DAPK1: variants seen among roughly 807,000 people sequenced by gnomAD.
The protein encoded by DAPK1 is death associated protein kinase 1.
Under a neutral mutation model 144.9 loss-of-function variants are expected in DAPK1, and 56 were observed. The ratio of observed to expected loss-of-function variants is 0.39; its 90% CI spans 0.31 to 0.48. The LOEUF (loss-of-function observed/expected upper bound fraction) is 0.48. Ranked by LOEUF, DAPK1 falls within the 20% of genes least tolerant of loss-of-function variation. DAPK1 has a pLI of 0.95. For synonymous variants in DAPK1, 690 were observed against 749.0 expected (o/e 0.92, Z 1.29); for missense variants, 1,454 against 1,875.4 (o/e 0.78, Z 4.15).
intron 24 of DAPK1, chr9:87,701,993 C>T (rs1825472019): frequency 2.5e-6 from 1 of 395,432 alleles, no homozygotes; most frequent in Admixed American, 2.9e-5. Context: ...CCCTGTGCTT[C>T]CCCACCAGGT....
intron 2 of DAPK1, among the ~76,000 whole-genome samples, chr9:87,543,022 G>A (rs1661336178): frequency 6.6e-6 from 1 of 152,200 alleles, no homozygotes; most frequent in African/African-American, 2.4e-5. Flanking sequence ...TATTGCTTTT[G>A]CAATGAAGTT....
At chr9:87,669,981 TC>T (rs2119282774) in intron 19 of DAPK1, among the ~76,000 whole-genome samples, 1 of 152,232 alleles carries the variant, frequency 6.6e-6, no homozygotes, top group African/African-American at 2.4e-5. Context: ...CGATTCAGTC[TC>T]CCCTTTGTCC....
intron 2 of DAPK1, among the ~76,000 whole-genome samples, chr9:87,598,927 C>A (rs1055360920): frequency 6.6e-6 from 1 of 152,330 alleles, no homozygotes; most frequent in African/African-American, 2.4e-5. Flanking sequence ...TGCATGGCAT[C>A]TCAGAGCATC....
chr9:87,683,085 AT>A (rs1554704267), intron 20 of DAPK1, among the ~76,000 whole-genome samples: 2,362 of 112,538 alleles, frequency 0.021, 62 homozygotes, highest in African/African-American at 0.059. Flanking sequence ...TATTTTATTT[AT>A]TTTTTTTTTT....
chr9:87,615,925 C>T (rs1384141267), intron 3 of DAPK1, among the ~76,000 whole-genome samples: 1 of 152,240 alleles, frequency 6.6e-6, no homozygotes, highest in Non-Finnish European at 1.5e-5. Flanking sequence ...TTCTGCTAAG[C>T]CACTGTAGGA....
chr9:87,621,460 A>T (rs145693732), intron 3 of DAPK1, among the ~76,000 whole-genome samples: 1 of 152,240 alleles, frequency 6.6e-6, no homozygotes, highest in Non-Finnish European at 1.5e-5. Flanking sequence ...AGCCATCTGC[A>T]GTAAGCATTT....
At chr9:87,674,765 C>G (rs540492145) in intron 19 of DAPK1, among the ~76,000 whole-genome samples, 1 of 152,150 alleles carries the variant, frequency 6.6e-6, no homozygotes, top group Non-Finnish European at 1.5e-5. Flanking sequence ...CTTCCCAGAC[C>G]GTGAATGGTC....
At chr9:87,554,847 G>A (rs1054471291) in intron 2 of DAPK1, among the ~76,000 whole-genome samples, 1 of 152,172 alleles carries the variant, frequency 6.6e-6, no homozygotes, top group Non-Finnish European at 1.5e-5. Flanking sequence ...CAGGGCTTCT[G>A]CCCTTGGCTT....
chr9:87,571,466 C>T (rs1827335388), intron 2 of DAPK1, among the ~76,000 whole-genome samples: 2 of 60,446 alleles, frequency 3.3e-5, no homozygotes, highest in Non-Finnish European at 6.2e-5. Flanking sequence ...CACACACACA[C>T]ACACACACCA....
At chr9:87,663,082 CT>C (rs1435298615) in intron 18 of DAPK1, among the ~76,000 whole-genome samples, 1 of 151,994 alleles carries the variant, frequency 6.6e-6, no homozygotes, top group Admixed American at 6.5e-5. Context: ...CTGCTGCCAC[CT>C]TCCCTCTCCG....
At chr9:87,648,319 TTCTGAGAAAATC>T (rs1398278994) in intron 14 of DAPK1, among the ~76,000 whole-genome samples, 1 of 152,382 alleles carries the variant, frequency 6.6e-6, no homozygotes, top group Non-Finnish European at 1.5e-5. Flanking sequence ...TCTTTAAAAT[TTCTGAGAAAATC>T]TCTGAGAATA....
At chr9:87,613,976 A>T (rs1009188933) in intron 3 of DAPK1, among the ~76,000 whole-genome samples, 3 of 152,230 alleles carry the variant, frequency 2.0e-5, no homozygotes, top group African/African-American at 7.2e-5. Context: ...CGCTCCTCAG[A>T]TACCTACTAT....
chr9:87,704,303 C>T (rs776044337), intron 25 of DAPK1, among the ~76,000 whole-genome samples: 1 of 152,158 alleles, frequency 6.6e-6, no homozygotes, highest in Non-Finnish European at 1.5e-5. Context: ...CACAGGAGTC[C>T]CTTGCTTTCT....
rs536654288 is a variant in DAPK1, at chr9:87,515,234, T to C, written c.62+16095T>C. Among the ~76,000 whole-genome samples the C allele has an allele frequency of 2.0e-5, 3 of 152,296 alleles. No homozygotes were observed. In the South Asian group the frequency reaches 6.2e-4, roughly 32 times the overall value. On this transcript the variant is annotated intron_variant, in intron 2 of 25. Coordinates refer to ENST00000408954, the MANE Select transcript of DAPK1 (RefSeq NM_004938.4). ...GCCACATGGTTTCTGTTGCAACAAC[T>C]CAACTCTGTTTTAACTCAAAAGCAG...
chr9:87,529,906 A>G (rs775509729), intron 2 of DAPK1, among the ~76,000 whole-genome samples: 1 of 152,198 alleles, frequency 6.6e-6, no homozygotes. Flanking sequence ...TTTGGGATTC[A>G]TAAGAATGCT....
At chr9:87,541,501 A>G (rs1013392837) in intron 2 of DAPK1, among the ~76,000 whole-genome samples, 10 of 150,618 alleles carry the variant, frequency 6.6e-5, no homozygotes, top group Non-Finnish European at 1.5e-4. Flanking sequence ...GTGAGTGGAG[A>G]TGGTGCCATT....
intron 20 of DAPK1, among the ~76,000 whole-genome samples, chr9:87,685,376 GA>G (rs903570788): frequency 1.3e-5 from 2 of 152,072 alleles, no homozygotes; most frequent in African/African-American, 4.8e-5. Context: ...TTGGTGTTTG[GA>G]TCGCCTGTTT....
At chr9:87,509,064 T>C (rs2118086073) in intron 2 of DAPK1, among the ~76,000 whole-genome samples, 1 of 152,346 alleles carries the variant, frequency 6.6e-6, no homozygotes, top group South Asian at 2.1e-4. Context: ...TGTGTGTCTC[T>C]GGGAAAGTGA....
intron 2 of DAPK1, among the ~76,000 whole-genome samples, chr9:87,530,635 G>C (rs1034457951): frequency 6.6e-6 from 1 of 152,108 alleles, no homozygotes. Context: ...TATGAAGTTA[G>C]TTCTTTAAAA....
Sources: gnomAD v4.1 joint callset for allele counts (sites outside exome capture counted in the v4.1 genomes callset) on GRCh38, gnomAD v4.1.1 for gene constraint, MANE v1.5 for transcripts, NCBI Gene and HGNC (gene_info 2026-07-23, HGNC 2026-07-21) for gene names.